IGSF10: variants seen among roughly 807,000 people sequenced by gnomAD.
IGSF10 encodes calvaria mechanical force protein 608.
IGSF10 carries 126 observed loss-of-function variants against 128.2 expected under a neutral mutation model. The ratio of observed to expected loss-of-function variants is 0.98; its 90% CI spans 0.85 to 1.14. The LOEUF (loss-of-function observed/expected upper bound fraction) is 1.14. IGSF10 is among the 50% of genes most tolerant of loss of function. The probability of loss-of-function intolerance (pLI) is 0.00; values close to 1 mark genes in which losing one functional copy is unlikely to be tolerated. For missense variants in IGSF10, 3,295 were observed against 3,149.8 expected, an observed-to-expected ratio of 1.05 and a Z score of -1.10; for synonymous variants, 1,185 against 1,146.2, an observed-to-expected ratio of 1.03 and a Z score of -0.68.
upstream of IGSF10, among the ~76,000 whole-genome samples, chr3:151,464,874 A>G (rs528927115): frequency 2.0e-5 from 3 of 152,326 alleles, no homozygotes; most frequent in South Asian, 4.1e-4. Context: ...CTTTCTTCCA[A>G]TACAGTTGCA....
At chr3:151,454,217 C>G (rs968099946) in intron 4 of IGSF10, among the ~76,000 whole-genome samples, 6 of 152,006 alleles carry the variant, frequency 3.9e-5, no homozygotes, top group Non-Finnish European at 1.5e-5. Context: ...GGGGTTTCAC[C>G]ATGTTGGCAA....
rs1721126333 is a variant in IGSF10, at chr3:151,445,426, C to T, written c.4555G>A (p.Val1519Ile). ...SRHNAKPQQL[V>I]AEVATSPKVH... ...TTGGGGGATGTTGCAACCTCTGCTA[C>T]TAATTGCTGTGGTTTAGCATTGTGC... The change falls in exon 6 of 8, where the codon GTA becomes ATA. Residue 1519 changes from valine to isoleucine, a missense_variant. By Grantham distance (29) the Val-to-Ile change is conservative. Coordinates refer to ENST00000282466, the MANE Select transcript of IGSF10 (RefSeq NM_178822.5). The T allele has an allele frequency of 6.2e-7, 1 of 1,614,108 alleles. No individual in the cohort carries two copies. Among genetic ancestry groups the T allele is most frequent in the Non-Finnish European group, 8.5e-7 (1 of 1,180,046 alleles).
At chr3:151,596,114 G>C in the IGSF10 span, among the ~76,000 whole-genome samples, 1 of 152,014 alleles carries the variant, frequency 6.6e-6, no homozygotes, top group Non-Finnish European at 1.5e-5. Flanking sequence ...AAACCAAAAA[G>C]CCAAATGTGG....
chr3:151,454,467 T>C (rs1248513679), intron 4 of IGSF10, among the ~76,000 whole-genome samples: 1 of 152,148 alleles, frequency 6.6e-6, no homozygotes, highest in African/African-American at 2.4e-5. Flanking sequence ...CGGAGAATAG[T>C]GGGTAGAGGT....
the IGSF10 span, among the ~76,000 whole-genome samples, chr3:151,493,494 A>G: frequency 6.6e-6 from 1 of 152,198 alleles, no homozygotes; most frequent in South Asian, 2.1e-4. Context: ...CCCTTTTTCT[A>G]TGTTTAGATA....
At chr3:151,551,419 A>G in the IGSF10 span, among the ~76,000 whole-genome samples, 1 of 151,966 alleles carries the variant, frequency 6.6e-6, no homozygotes, top group Non-Finnish European at 1.5e-5. Flanking sequence ...TTGGCCTTCT[A>G]TTTTTCATGT....
chr3:151,566,648 G>C, the IGSF10 span, among the ~76,000 whole-genome samples: 1 of 152,144 alleles, frequency 6.6e-6, no homozygotes, highest in Non-Finnish European at 1.5e-5. Flanking sequence ...TCAGTTCATT[G>C]GCCAGAATAG....
chr3:151,608,455 T>C, the IGSF10 span, among the ~76,000 whole-genome samples: 1 of 152,228 alleles, frequency 6.6e-6, no homozygotes, highest in Admixed American at 6.5e-5. Context: ...CAGGTTTCAT[T>C]GGAAGAGACC....
At chr3:151,536,267 G>A in the IGSF10 span, among the ~76,000 whole-genome samples, 1 of 152,130 alleles carries the variant, frequency 6.6e-6, no homozygotes, top group Non-Finnish European at 1.5e-5. Context: ...CTTGGGCTGC[G>A]TGGATGTGAA....
At chr3:151,454,886 T>A (rs1296661035) in intron 4 of IGSF10, among the ~76,000 whole-genome samples, 1 of 151,780 alleles carries the variant, frequency 6.6e-6, no homozygotes, top group Non-Finnish European at 1.5e-5. Context: ...ACACACATAC[T>A]CCCTAGCTAC....
chr3:151,454,586 G>GTTT (rs143402800), intron 4 of IGSF10, among the ~76,000 whole-genome samples: 3 of 149,888 alleles, frequency 2.0e-5, no homozygotes, highest in Non-Finnish European at 4.4e-5. Flanking sequence ...TTTTTATAAG[G>GTTT]TTTTTTTTTT....
At chr3:151,531,248 T>C in the IGSF10 span, among the ~76,000 whole-genome samples, 1 of 152,148 alleles carries the variant, frequency 6.6e-6, no homozygotes, top group Non-Finnish European at 1.5e-5. Context: ...TGGGAGACTT[T>C]AACACCCCAC....
the IGSF10 span, among the ~76,000 whole-genome samples, chr3:151,531,340 A>G: frequency 1.3e-5 from 2 of 152,228 alleles, no homozygotes; most frequent in Non-Finnish European, 2.9e-5. Flanking sequence ...CAGACCTAAT[A>G]GACATCTACA....
the IGSF10 span, among the ~76,000 whole-genome samples, chr3:151,588,722 C>A: frequency 6.6e-6 from 1 of 152,170 alleles, no homozygotes; most frequent in South Asian, 2.1e-4. Context: ...AAGACAAAAT[C>A]TCTGCCCTAA....
At chr3:151,438,793 A>G (rs1363466555) in intron 7 of IGSF10, among the ~76,000 whole-genome samples, 196 bp from the exon 8 acceptor site, 4 of 148,646 alleles carry the variant, frequency 2.7e-5, no homozygotes, top group Non-Finnish European at 5.9e-5. Context: ...ATATACACAT[A>G]TTTGAGATAT....
At chr3:151,538,244 AC>A in the IGSF10 span, among the ~76,000 whole-genome samples, 1 of 152,188 alleles carries the variant, frequency 6.6e-6, no homozygotes, top group Non-Finnish European at 1.5e-5. Context: ...GACCACCATA[AC>A]ACCAGAAACA....
the IGSF10 span, among the ~76,000 whole-genome samples, chr3:151,582,241 A>G: frequency 3.0e-5 from 4 of 133,626 alleles, no homozygotes; most frequent in Non-Finnish European, 4.6e-5. Flanking sequence ...AAATGCAACT[A>G]TGAGGTATTA....
rs772477838 is a variant in IGSF10, at chr3:151,445,966, ATCTC to A, written c.4011_4014del (p.Glu1337AspfsTer37). Reference sequence around the variant, plus strand: ...TCTCTTTGTATTGTTTGTGCTCTAGATCTCTCTGTTTGGGTTTCATAAGTGATGA... The same window carrying A: ...TCTCTTTGTATTGTTTGTGCTCTAGATCTGTTTGGGTTTCATAAGTGATGA... On this transcript the variant is annotated frameshift_variant, in exon 6 of 8. Transcript: ENST00000282466. LOFTEE classifies it high-confidence loss of function. 6.2e-7 allele frequency: 1 copy of A among 1,614,138 alleles called. No homozygotes were observed. The highest frequency in any genetic ancestry group is 8.5e-7 in the Non-Finnish European group (1 of 1,180,026).
At chr3:151,541,373 C>CA in the IGSF10 span, among the ~76,000 whole-genome samples, 68 of 152,140 alleles carry the variant, frequency 4.5e-4, no homozygotes, top group African/African-American at 1.1e-3. Context: ...TGAGTCATGT[C>CA]AAAAAAATCA....
Sources: gnomAD v4.1 joint callset for allele counts (sites outside exome capture counted in the v4.1 genomes callset) on GRCh38, gnomAD v4.1.1 for gene constraint, MANE v1.5 for transcripts, NCBI Gene and HGNC (gene_info 2026-07-23, HGNC 2026-07-21) for gene names.